MED9: variants seen among roughly 807,000 people sequenced by gnomAD.
MED9 encodes mediator of RNA polymerase II transcription subunit 9.
A neutral mutation model predicts 13.2 loss-of-function variants in MED9; 8 were observed. The ratio of observed to expected loss-of-function variants is 0.61; its 90% CI spans 0.36 to 1.10. The LOEUF (loss-of-function observed/expected upper bound fraction) is 1.10. Among genes scored for constraint, MED9 ranks in the 50% least tolerant of loss-of-function variants. The pLI is 0.02. For synonymous variants in MED9, 87 were observed against 82.8 expected, an observed-to-expected ratio of 1.05 and a Z score of -0.28; for missense variants, 180 against 193.4, an observed-to-expected ratio of 0.93 and a Z score of 0.41.
chr17:17,487,875 C>A (rs1169823134), intron 1 of MED9: 2 of 152,208 alleles, frequency 1.3e-5, no homozygotes, highest in African/African-American at 4.8e-5. Context: ...AGAATGAGAA[C>A]TATGGATGGT....
rs1197686979 is a variant in MED9 at position 17,477,255 on chromosome 17, A to G, written c.214A>G (p.Ile72Val). 9 of 1,597,148 alleles carry G rather than the reference A, an allele frequency of 5.6e-6. No individual in the cohort carries two copies. Among genetic ancestry groups the G allele is most frequent in the South Asian group, 2.3e-5 (2 of 88,864 alleles). ...NYSFLPLVHNIIKCMDKDSPE... is the reference protein window; with the variant it reads ...NYSFLPLVHNVIKCMDKDSPE... ...CTCCTTTTTACCTTTGGTTCACAACATCATCAAATGGTAAGAACCTAGGAG... is the reference window on the plus strand; with the variant it reads ...CTCCTTTTTACCTTTGGTTCACAACGTCATCAAATGGTAAGAACCTAGGAG... The change falls in exon 1 of 2, where the codon ATC becomes GTC. Residue 72 changes from isoleucine to valine, a missense_variant. By Grantham distance (29) the Ile-to-Val change is conservative. Transcript: ENST00000268711.
rs141011083 is a variant in MED9 at position 17,487,650 on chromosome 17, C to T, written c.225-3629C>T. 1,069 of 177,730 alleles carry T rather than the reference C, an allele frequency of 6.0e-3. 10 individuals are homozygous for T. The highest frequency in any genetic ancestry group is 0.012 in the African/African-American group (511 of 41,946). The allele number at this position is 177,730 out of a possible 1,614,324, so 11.0% of individuals were successfully genotyped here. ...GCGCCACCTTAAGAGCTGTAACACT[C>T]ACTGTGAGGGTCCGTGGCCTCATTC... On this transcript the variant is annotated intron_variant, in intron 1 of 1. Transcript: ENST00000268711.
At chr17:17,486,721 A>C (rs1296710237) in intron 1 of MED9, 1 of 154,546 alleles carries the variant, frequency 6.5e-6, no homozygotes, top group Non-Finnish European at 1.4e-5. Flanking sequence ...TCAGCCACCC[A>C]AGGGCTGAGG....
At chr17:17,485,450 T>C (rs1232861335) in intron 1 of MED9, 2 of 390,462 alleles carry the variant, frequency 5.1e-6, no homozygotes, top group Non-Finnish European at 9.0e-6. Flanking sequence ...GGGGCAGAAG[T>C]GTTTCAGAAG....
In MED9 at chr17:17,488,831, C is replaced by CA. The variant is rs532899008; in HGVS notation, c.225-2436dup. Among the ~76,000 whole-genome samples the CA allele has an allele frequency of 9.2e-3, 1,265 of 137,314 alleles. 7 individuals are homozygous for CA. The highest frequency in any genetic ancestry group is 0.011 in the African/African-American group (435 of 38,530). 90.1% of individuals were successfully genotyped at this position (137,314 alleles called of 152,430 possible). ...CTGGGCAACGAGTAAAACTCTGTCT[C>CA]AAAAAAAAAAAAGAAAAAAAGAAAC... On this transcript the variant is annotated intron_variant, in intron 1 of 1. Transcript: ENST00000268711.
In MED9 at chr17:17,491,267, C is replaced by A; in HGVS notation, c.225-12C>A. Reference sequence around the variant, plus strand: ...CAAGCTGTGAATGCTAACAGCTGTTCTTCCCCCACAGCATGGACAAGGACA... The same window carrying A: ...CAAGCTGTGAATGCTAACAGCTGTTATTCCCCCACAGCATGGACAAGGACA... On this transcript the variant is annotated splice_polypyrimidine_tract_variant and intron_variant, in intron 1 of 1. Transcript: ENST00000268711. 1 of 1,608,276 alleles carries A rather than the reference C, an allele frequency of 6.2e-7. No individual in the cohort carries two copies. Among genetic ancestry groups the A allele is most frequent in the Non-Finnish European group, 8.5e-7 (1 of 1,176,122 alleles).
At chr17:17,489,760 C>A (rs1905197820) in intron 1 of MED9, among the ~76,000 whole-genome samples, 1 of 152,212 alleles carries the variant, frequency 6.6e-6, no homozygotes, top group Admixed American at 6.5e-5. Flanking sequence ...TTGAGGGCAT[C>A]ATTTCCTGGC....
Position 17,483,196 on chromosome 17 carries a change from G to A in MED9, c.224+5931G>A, listed in dbSNP as rs948235323. The stretch of plus-strand genomic sequence containing the variant: ...GCCTCGCTTTTGAGTATTATAATCA[G>A]CATTTAATTAGTCTCTTTGCCTTTA... On this transcript the variant is annotated intron_variant, in intron 1 of 1. Transcript: ENST00000268711. The surrounding 1 kb of genome is among the most constrained non-coding windows in gnomAD (Gnocchi z 4.2). 2.0e-5 allele frequency among the ~76,000 whole-genome samples: 3 copies of A among 152,152 alleles called. No individual in the cohort carries two copies. The highest frequency in any genetic ancestry group is 7.2e-5 in the African/African-American group (3 of 41,410).
chr17:17,491,919 T>C lies in MED9; in HGVS notation c.*424T>C, dbSNP rs986662251. 4.0e-6 allele frequency: 1 copy of C among 252,562 alleles called. No individual in the cohort carries two copies. The highest frequency in any genetic ancestry group is 5.0e-5 in the Admixed American group (1 of 20,190). 15.6% of individuals were successfully genotyped at this position (252,562 alleles called of 1,614,324 possible). A position where few individuals can be genotyped will look rare whatever the true frequency, so the allele number is the denominator to read the frequency against. On this transcript the variant is annotated 3_prime_UTR_variant, in exon 2 of 2. Transcript: ENST00000268711. ...TCCTCCCACCCCCATAGGATCAGTG[T>C]GTACCAGGTACACATTGTTCCTGTT...
chr17:17,481,035 G>A (rs890612347), intron 1 of MED9, among the ~76,000 whole-genome samples: 2 of 152,244 alleles, frequency 1.3e-5, no homozygotes, highest in African/African-American at 4.8e-5. Flanking sequence ...ACTCATGGGA[G>A]TCAGCTTCTA....
At position 17,491,369 on chromosome 17, in the gene MED9, C is replaced by A. The variant is rs756925872; in HGVS notation, c.315C>A (p.Pro105=). 1.2e-6 allele frequency: 2 copies of A among 1,613,864 alleles called. No homozygotes were observed. Among genetic ancestry groups the A allele is most frequent in the Non-Finnish European group, 1.7e-6 (2 of 1,180,034 alleles). Residue 105 remains proline (P), a synonymous_variant, in exon 2 of 2, where the codon CCC becomes CCA. Transcript: ENST00000268711. ...TGCGCAAGCTCATCAGCACCATGCC[C>A]GGCATCCACCTGAGCCCCGAACAGC... ...QEMRKLISTM[P]GIHLSPEQQQ...
rs1905059801 is a variant in MED9, at chr17:17,483,121, G to T, written c.224+5856G>T. Among the ~76,000 whole-genome samples, 1 of 152,094 alleles carries T rather than the reference G, an allele frequency of 6.6e-6. No homozygotes were observed. Among genetic ancestry groups the T allele is most frequent in the South Asian group, 2.1e-4 (1 of 4,814 alleles). On this transcript the variant is annotated intron_variant, in intron 1 of 1. Transcript: ENST00000268711. This position sits in a 1 kb window ranked among gnomAD's most constrained non-coding sequence, Gnocchi z 4.2. ...TAATGGAACATTTCGTCTTTAATCT[G>T]CTTCTTTACTTCCAAGCCTGTTGAT...
chr17:17,491,189 A>G, intron 1 of MED9, 90 bp from the exon 2 acceptor site: 3 of 1,217,274 alleles, frequency 2.5e-6, no homozygotes, highest in South Asian at 1.2e-5. Flanking sequence ...AAGCTATGGC[A>G]GGAATGACAG....
At chr17:17,490,019 T>C (rs1905202107) in intron 1 of MED9, among the ~76,000 whole-genome samples, 1 of 152,270 alleles carries the variant, frequency 6.6e-6, no homozygotes, top group Non-Finnish European at 1.5e-5. Context: ...AAATTAATGA[T>C]CATTGACAGT....
chr17:17,484,099 AATT>A (rs970761236), intron 1 of MED9, among the ~76,000 whole-genome samples: 2 of 152,280 alleles, frequency 1.3e-5, no homozygotes, highest in African/African-American at 4.8e-5. Context: ...GATTGGGGAA[AATT>A]ATTATTTTTT....
At position 17,491,432 on chromosome 17, in the gene MED9, G is replaced by A. The variant is rs903745609; in HGVS notation, c.378G>A (p.Arg126=). ...QQLQSLREQV[R]TKNELLQKYK... is the part of the protein sequence containing the mutation. ...TGCAGAGCCTCCGGGAGCAAGTCAG[G>A]ACCAAGAATGAGCTTCTGCAAAAGT... Residue 126 remains arginine (R), a synonymous_variant, in exon 2 of 2, where the codon AGG becomes AGA. Coordinates refer to ENST00000268711, the MANE Select transcript of MED9 (RefSeq NM_018019.3). 1.9e-6 allele frequency: 3 copies of A among 1,614,078 alleles called. No individual in the cohort carries two copies. Among genetic ancestry groups the A allele is most frequent in the Non-Finnish European group, 2.5e-6 (3 of 1,180,034 alleles).
At chr17:17,479,857 G>A (rs913693942) in intron 1 of MED9, among the ~76,000 whole-genome samples, 8 of 152,148 alleles carry the variant, frequency 5.3e-5, no homozygotes, top group African/African-American at 1.9e-4. Flanking sequence ...TTGCCACAAA[G>A]TGGATGACCA....
chr17:17,491,617 G>T lies in MED9; in HGVS notation c.*122G>T, dbSNP rs546717123. The T allele has an allele frequency of 2.0e-6, 2 of 976,530 alleles. No homozygotes were observed. The highest frequency in any genetic ancestry group is 3.1e-6 in the Non-Finnish European group (2 of 650,594). The allele number at this position is 976,530 out of a possible 1,614,324, so 60.5% of individuals were successfully genotyped here. ...CAGCTCAGCTCGTCAAGCTGCAGGGGCGGGGCTCCTGTGCTGCTGCGCGCG... is the reference window on the plus strand; with the variant it reads ...CAGCTCAGCTCGTCAAGCTGCAGGGTCGGGGCTCCTGTGCTGCTGCGCGCG... On this transcript the variant is annotated 3_prime_UTR_variant, in exon 2 of 2. Transcript: ENST00000268711.
At chr17:17,487,158 C>CGGG (rs943756620) in intron 1 of MED9, 4 of 152,212 alleles carry the variant, frequency 2.6e-5, no homozygotes, top group Non-Finnish European at 4.4e-5. Context: ...CTGATGGGGA[C>CGGG]GGGGAGAACC....
Sources: allele counts gnomAD v4.1 joint callset (sites outside exome capture counted in the v4.1 genomes callset), GRCh38; gene constraint gnomAD v4.1.1; non-coding constraint Gnocchi (gnomAD v3.1); transcripts MANE v1.5; gene names NCBI Gene and HGNC (gene_info 2026-07-23, HGNC 2026-07-21).